Variants in FGFR2 observed in about 807,000 individuals in gnomAD.
FGFR2 encodes the protein fibroblast growth factor receptor 2.
Under a neutral mutation model 95.9 loss-of-function variants are expected in FGFR2, and 19 were observed. The observed-to-expected ratio is 0.20, with a 90% confidence interval of 0.14 to 0.29. The LOEUF is 0.29. Among genes scored for constraint, FGFR2 ranks in the 10% least tolerant of loss-of-function variants. The pLI is 1.00. For synonymous variants in FGFR2, 392 were observed against 393.3 expected (o/e 1.00, Z 0.04); for missense variants, 707 against 1,056.9 (o/e 0.67, Z 4.59).
chr10:121,562,717 G>A (rs1857163200), intron 4 of FGFR2, among the ~76,000 whole-genome samples: 1 of 152,162 alleles, frequency 6.6e-6, no homozygotes, highest in African/African-American at 2.4e-5. Context: ...ATCTTACTAA[G>A]TCAAAGAAGC....
chr10:121,528,306 G>GT (rs558916659), intron 6 of FGFR2, among the ~76,000 whole-genome samples: 94 of 151,954 alleles, frequency 6.2e-4, no homozygotes, highest in Middle Eastern at 3.4e-3. Context: ...TCGCTGTAGG[G>GT]TTTTTTTTAC....
intron 4 of FGFR2, among the ~76,000 whole-genome samples, chr10:121,553,533 A>C (rs1382536794): frequency 6.6e-6 from 1 of 152,256 alleles, no homozygotes; most frequent in East Asian, 1.9e-4. Context: ...GAGAGCACAA[A>C]ACAAATAATG....
At chr10:121,571,201 T>C (rs1212104992) in intron 2 of FGFR2, among the ~76,000 whole-genome samples, 2 of 151,348 alleles carry the variant, frequency 1.3e-5, no homozygotes, top group African/African-American at 4.9e-5. Flanking sequence ...TTCACCATGT[T>C]GGCCAGGATG....
intron 6 of FGFR2, among the ~76,000 whole-genome samples, chr10:121,537,300 A>C (rs1000263238): frequency 6.6e-6 from 1 of 152,250 alleles, no homozygotes; most frequent in Non-Finnish European, 1.5e-5. Flanking sequence ...TGCAAATGGA[A>C]GTAATGGTTA....
At chr10:121,579,733 A>C (rs1228571214) in intron 2 of FGFR2, among the ~76,000 whole-genome samples, 1 of 152,214 alleles carries the variant, frequency 6.6e-6, no homozygotes, top group African/African-American at 2.4e-5. Context: ...CTAGCCCCAC[A>C]GCATGCCGAG....
intron 2 of FGFR2, among the ~76,000 whole-genome samples, chr10:121,574,253 G>T (rs1859326684): frequency 6.6e-6 from 1 of 152,100 alleles, no homozygotes; most frequent in African/African-American, 2.4e-5. Context: ...TGGAGGCCAG[G>T]TGCGGTGGCT....
chr10:121,483,850 C>T (rs1845074410), intron 16 of FGFR2, 47 bp from the exon 17 acceptor site: 10 of 1,423,580 alleles, frequency 7.0e-6, no homozygotes, highest in South Asian at 2.4e-5. Flanking sequence ...GCACTGGGTA[C>T]GTGGTTATAG....
At chr10:121,583,652 G>A (rs749035845) in intron 2 of FGFR2, 3 of 153,438 alleles carry the variant, frequency 2.0e-5, no homozygotes, top group South Asian at 2.1e-4. Flanking sequence ...AGGAGAATTC[G>A]GTATGGATGT....
At chr10:121,513,820 G>A (rs1213259405) in intron 9 of FGFR2, among the ~76,000 whole-genome samples, 2 of 152,090 alleles carry the variant, frequency 1.3e-5, no homozygotes, top group Admixed American at 1.3e-4. Context: ...CACAAAGAAA[G>A]ACCTGCTTGA....
intron 15 of FGFR2, among the ~76,000 whole-genome samples, chr10:121,487,057 C>T (rs558383883): frequency 9.2e-5 from 14 of 152,266 alleles, no homozygotes; most frequent in African/African-American, 2.9e-4. Flanking sequence ...AAGAGCTTGG[C>T]GAATTAGATA....
At position 121,593,942 on chromosome 10, in the gene FGFR2, A is replaced by G; in HGVS notation, c.-125T>C. On this transcript the variant is annotated 5_prime_UTR_variant, in exon 2 of 18. Coordinates refer to ENST00000358487, the MANE Select transcript of FGFR2 (RefSeq NM_000141.5). ...CAGCCTGCGGTGGGCTCAGGAACCG[A>G]GGCGCTGCCGCTGCTGCTGCAGTCA... 1.2e-6 allele frequency: 1 copy of G among 856,690 alleles called. No individual in the cohort carries two copies. Among genetic ancestry groups the G allele is most frequent in the Non-Finnish European group, 2.0e-6 (1 of 509,366 alleles). The allele number at this position is 856,690 out of a possible 1,614,324, so 53.1% of individuals were successfully genotyped here. A position where few individuals can be genotyped will look rare whatever the true frequency, so the allele number is the denominator to read the frequency against.
intron 1 of FGFR2, among the ~76,000 whole-genome samples, chr10:121,597,422 C>G (rs1376908841): frequency 1.3e-5 from 2 of 152,252 alleles, no homozygotes; most frequent in African/African-American, 4.8e-5. Context: ...CGCCCAGGCA[C>G]CGGAGCCGTC....
rs536152610 is a variant in FGFR2 at position 121,585,017 on chromosome 10, C to T, written c.109+8692G>A. Among the ~76,000 whole-genome samples the T allele has an allele frequency of 1.8e-4, 27 of 152,192 alleles. 1 individual carries two copies. The South Asian group carries it at 5.6e-3, about 32-fold the overall frequency. On this transcript the variant is annotated intron_variant, in intron 2 of 17. Transcript: ENST00000358487. ...CATAACCCCTCTCCAATGTTCTTCG[C>T]CGGGCCTAATGGCAATGTGGCAGAG...
intron 15 of FGFR2, 108 bp downstream of exon 15, chr10:121,487,232 TCCTGCACCTTCTAC>T: frequency 2.8e-5 from 5 of 179,788 alleles, no homozygotes; most frequent in African/African-American, 5.8e-5. Flanking sequence ...TAAGGCCAGC[TCCTGCACCTTCTAC>T]GAATGTGTGA....
intron 13 of FGFR2, among the ~76,000 whole-genome samples, chr10:121,491,873 C>CA (rs149016265): frequency 0.23 from 29,546 of 128,390 alleles, 3,340 homozygotes; most frequent in South Asian, 0.41. Context: ...CTGTCTCAAC[C>CA]AAAAAAAAAA....
chr10:121,550,646 A>G (rs774359489), intron 5 of FGFR2, among the ~76,000 whole-genome samples: 3 of 152,180 alleles, frequency 2.0e-5, no homozygotes, highest in African/African-American at 7.2e-5. Flanking sequence ...CTGCTCTGAC[A>G]GGGAAACTAT....
At position 121,577,178 on chromosome 10, in the gene FGFR2, T is replaced by TAG. The variant is rs1169688456; in HGVS notation, c.110-11476_110-11475dup. On this transcript the variant is annotated intron_variant, in intron 2 of 17. Transcript: ENST00000358487. ...AAAAAAATATATATATATATATATA[T>TAG]AGAGAGAGAGAGAGAGAGAGAGAGA... 5.8e-3 allele frequency among the ~76,000 whole-genome samples: 30 copies of TAG among 5,208 alleles called. 1 individual carries two copies. The highest frequency in any genetic ancestry group is 0.02 in the South Asian group (3 of 148). The allele number at this position is 5,208 out of a possible 152,430, so 3.4% of individuals were successfully genotyped here. A position where few individuals can be genotyped will look rare whatever the true frequency, so the allele number is the denominator to read the frequency against.
At position 121,540,101 on chromosome 10, in the gene FGFR2, T is replaced by C. The variant is rs142051762; in HGVS notation, c.625-1386A>G. On this transcript the variant is annotated intron_variant, in intron 5 of 17. Coordinates refer to ENST00000358487, the MANE Select transcript of FGFR2 (RefSeq NM_000141.5). Reference sequence around the variant, plus strand: ...CTTAGAAAGGATCACTGGATGAAGGTTGGCCTCCTTCCTCCTTAACAGAGT... The same window carrying C: ...CTTAGAAAGGATCACTGGATGAAGGCTGGCCTCCTTCCTCCTTAACAGAGT... 6.2e-3 allele frequency among the ~76,000 whole-genome samples: 943 copies of C among 152,304 alleles called. 20 individuals are homozygous for C. The highest frequency in any genetic ancestry group is 3.4e-3 in the Middle Eastern group (1 of 294).
intron 9 of FGFR2, among the ~76,000 whole-genome samples, chr10:121,507,242 A>C (rs1057385854): frequency 2.6e-5 from 4 of 152,190 alleles, no homozygotes; most frequent in African/African-American, 9.7e-5. Context: ...TCACTGTGTG[A>C]GCTTTGGGAA....
Sources: gnomAD v4.1 joint callset for allele counts (sites outside exome capture counted in the v4.1 genomes callset) on GRCh38, gnomAD v4.1.1 for gene constraint, MANE v1.5 for transcripts, NCBI Gene and HGNC (gene_info 2026-07-23, HGNC 2026-07-21) for gene names.